The following COL22A1 variants were observed in gnomAD, a reference collection of about 807,000 sequenced individuals.
The protein encoded by COL22A1 is collagen alpha-1(XXII) chain.
In COL22A1, 221 loss-of-function variants were observed where a neutral mutation model predicts 248.9. That is an observed-to-expected ratio of 0.89 (90% CI 0.80 to 0.99). The LOEUF (loss-of-function observed/expected upper bound fraction) is 0.99. COL22A1 is among the 50% of genes least tolerant of loss of function. COL22A1 has a pLI of 0.00. For synonymous variants in COL22A1, 891 were observed against 793.4 expected (o/e 1.12, Z -2.07); for missense variants, 2,240 against 2,179.0 (o/e 1.03, Z -0.56).
chr8:138,600,817 T>G (rs1433191077), intron 60 of COL22A1, among the ~76,000 whole-genome samples: 1 of 152,238 alleles, frequency 6.6e-6, no homozygotes, highest in Non-Finnish European at 1.5e-5. Flanking sequence ...TCTCTGTCAG[T>G]GATCTTGAAT....
chr8:138,826,665 A>G lies in COL22A1; in HGVS notation c.962T>C (p.Ile321Thr). 6.2e-7 allele frequency: 1 copy of G among 1,613,858 alleles called. No individual in the cohort carries two copies. The highest frequency in any genetic ancestry group is 8.5e-7 in the Non-Finnish European group (1 of 1,179,876). ...GGCATCTGCTGCCCTTACCTGTGGG[A>G]TGCTGTACTGGTCGATGACCTGCCA... ...YIWQVIDQYS[I>T]PQVSIRLDGE... is the part of the protein sequence containing the mutation. The change falls in exon 6 of 65, where the codon ATC becomes ACC. Residue 321 changes from isoleucine (I) to threonine (T), a missense_variant. Ile to Thr is a moderately conservative substitution (Grantham distance 89). Transcript: ENST00000303045.
chr8:138,610,379 A>G (rs576154274), intron 56 of COL22A1, among the ~76,000 whole-genome samples: 134 of 152,320 alleles, frequency 8.8e-4, no homozygotes, highest in African/African-American at 3.1e-3. Flanking sequence ...CGCAATCATC[A>G]CAACTATTGA....
At chr8:138,903,378 G>T (rs1424667010) in intron 1 of COL22A1, among the ~76,000 whole-genome samples, 1 of 152,168 alleles carries the variant, frequency 6.6e-6, no homozygotes, top group East Asian at 1.9e-4. Flanking sequence ...CAGACTGGGG[G>T]GCCTTCAATG....
intron 3 of COL22A1, among the ~76,000 whole-genome samples, chr8:138,866,563 T>G (rs1287818553): frequency 6.6e-6 from 1 of 152,136 alleles, no homozygotes; most frequent in African/African-American, 2.4e-5. Context: ...AAATGCAGAG[T>G]CTCCATGAGC....
At chr8:138,766,845 T>C (rs899931072) in intron 16 of COL22A1, among the ~76,000 whole-genome samples, 2 of 152,222 alleles carry the variant, frequency 1.3e-5, no homozygotes, top group African/African-American at 4.8e-5. Flanking sequence ...AGGGCACCCA[T>C]GCCCCCCTGC....
chr8:138,688,728 G>A (rs1826569022), intron 37 of COL22A1, among the ~76,000 whole-genome samples, 189 bp downstream of exon 37: 2 of 152,038 alleles, frequency 1.3e-5, no homozygotes, highest in African/African-American at 2.4e-5. Flanking sequence ...GCACTTGTCT[G>A]ATTCTCAGGT....
rs1826201151 is a variant in COL22A1 at position 138,684,614 on chromosome 8, G to T, written c.2968-145C>A. ...TGACCTGACTTGCACAAAAGAAACA[G>T]AATCTGGTTTTGAGCCACAAGGCCC... On this transcript the variant is annotated intron_variant, in intron 38 of 64. Coordinates refer to ENST00000303045, the MANE Select transcript of COL22A1 (RefSeq NM_152888.3). 8.9e-6 allele frequency: 6 copies of T among 677,308 alleles called. No individual in the cohort carries two copies. The Admixed American group carries it at 1.5e-4, about 17-fold the overall frequency. The allele number at this position is 677,308 out of a possible 1,614,324, so 42.0% of individuals were successfully genotyped here.
At chr8:138,768,512 T>C (rs1834090411) in intron 16 of COL22A1, among the ~76,000 whole-genome samples, 1 of 152,332 alleles carries the variant, frequency 6.6e-6, no homozygotes, top group East Asian at 1.9e-4. Context: ...CTCAAACCCC[T>C]AGCAATCACA....
At chr8:138,675,155 A>G (rs1436002738) in intron 41 of COL22A1, among the ~76,000 whole-genome samples, 1 of 152,146 alleles carries the variant, frequency 6.6e-6, no homozygotes, top group African/African-American at 2.4e-5. Flanking sequence ...GTGGGTAGAA[A>G]TAACAGTGAG....
chr8:138,828,215 C>T (rs924638290), intron 5 of COL22A1: 1 of 152,066 alleles, frequency 6.6e-6, no homozygotes, highest in Admixed American at 6.6e-5. Context: ...TCTCTTTCGC[C>T]AGTGCTAGTA....
intron 1 of COL22A1, among the ~76,000 whole-genome samples, chr8:138,902,629 C>G (rs1299311905): frequency 1.3e-5 from 2 of 151,548 alleles, no homozygotes; most frequent in Non-Finnish European, 2.9e-5. Context: ...TGGCGTGAAC[C>G]TGGGAGGCAG....
At chr8:138,638,883 C>A (rs1821425842) in intron 47 of COL22A1, among the ~76,000 whole-genome samples, 1 of 152,096 alleles carries the variant, frequency 6.6e-6, no homozygotes, top group Non-Finnish European at 1.5e-5. Context: ...CATGTTGCAA[C>A]AATGAAAATG....
At chr8:138,592,135 A>C (rs1204286053) in intron 63 of COL22A1, among the ~76,000 whole-genome samples, 1 of 152,248 alleles carries the variant, frequency 6.6e-6, no homozygotes, top group East Asian at 1.9e-4. Context: ...AGAACATTCT[A>C]GTATGAAACA....
Position 138,737,523 on chromosome 8 carries a change from C to T in COL22A1, c.2139+1G>A. 6.2e-7 allele frequency: 1 copy of T among 1,604,588 alleles called. No homozygotes were observed. On this transcript the variant is annotated splice_donor_variant, in intron 23 of 64. Coordinates refer to ENST00000303045, the MANE Select transcript of COL22A1 (RefSeq NM_152888.3). LOFTEE classifies it high-confidence loss of function. ...TGGAAGAGAATGTAAAAGGTAGTTA[C>T]CTGCAGCCCCAGCAATCCAGGGATT...
chr8:138,888,011 T>C (rs1351154215), intron 1 of COL22A1, among the ~76,000 whole-genome samples: 1 of 152,250 alleles, frequency 6.6e-6, no homozygotes, highest in African/African-American at 2.4e-5. Flanking sequence ...TTTTCCCTTC[T>C]GTATATTTTA....
At chr8:138,707,388 A>G (rs1198065092) in intron 30 of COL22A1, among the ~76,000 whole-genome samples, 1 of 152,238 alleles carries the variant, frequency 6.6e-6, no homozygotes, top group Non-Finnish European at 1.5e-5. Flanking sequence ...AAAATCCTCA[A>G]TAAAATATGG....
At chr8:138,792,295 C>A (rs746909790) in intron 12 of COL22A1, among the ~76,000 whole-genome samples, 1 of 152,228 alleles carries the variant, frequency 6.6e-6, no homozygotes, top group Non-Finnish European at 1.5e-5. Context: ...CAACCCAACT[C>A]TACCTGCAAT....
chr8:138,828,867 G>T (rs1023605066), intron 5 of COL22A1, among the ~76,000 whole-genome samples: 1 of 152,148 alleles, frequency 6.6e-6, no homozygotes, highest in African/African-American at 2.4e-5. Flanking sequence ...TGCTCTCCTG[G>T]GCTCTTCTCT....
chr8:138,590,957 T>C (rs1225213212), intron 64 of COL22A1, among the ~76,000 whole-genome samples: 1 of 152,216 alleles, frequency 6.6e-6, no homozygotes. Flanking sequence ...TGAGAAATAC[T>C]AAAAGGATAT....
Sources: allele counts gnomAD v4.1 joint callset (sites outside exome capture counted in the v4.1 genomes callset), GRCh38; gene constraint gnomAD v4.1.1; transcripts MANE v1.5; gene names NCBI Gene and HGNC (gene_info 2026-07-23, HGNC 2026-07-21).